Variants in GRM4 observed in about 807,000 individuals in gnomAD.
The protein encoded by GRM4 is glutamate metabotropic receptor 4, also known as metabotropic glutamate receptor 4.
A neutral mutation model predicts 81.7 loss-of-function variants in GRM4; 28 were observed. The ratio of observed to expected loss-of-function variants is 0.34; its 90% CI spans 0.25 to 0.47. The LOEUF is 0.47. GRM4 is among the 20% of genes least tolerant of loss of function. The probability of loss-of-function intolerance (pLI) is 1.00; values close to 1 mark genes in which losing one functional copy is unlikely to be tolerated. For synonymous variants in GRM4, 488 were observed against 528.8 expected (o/e 0.92, Z 1.06); for missense variants, 948 against 1,290.0 (o/e 0.73, Z 4.06).
chr6:34,121,819 C>A lies in GRM4; in HGVS notation c.519+11159G>T, dbSNP rs1276161046. On this transcript the variant is annotated intron_variant, in intron 2 of 10. Coordinates refer to ENST00000538487, the MANE Select transcript of GRM4 (RefSeq NM_000841.4). The surrounding 1 kb of genome is among the most constrained non-coding windows in gnomAD (Gnocchi z 4.6). ...TCACACATGGGCCCACTTTACAACA[C>A]CTCCTGTTTCCTGAGGGCCTGCGAT... Among the ~76,000 whole-genome samples, 1 of 152,152 alleles carries A rather than the reference C, an allele frequency of 6.6e-6. No individual in the cohort carries two copies. The highest frequency in any genetic ancestry group is 1.5e-5 in the Non-Finnish European group (1 of 68,030).
At chr6:34,131,461 C>A (rs548144830) in intron 2 of GRM4, among the ~76,000 whole-genome samples, 1 of 152,310 alleles carries the variant, frequency 6.6e-6, no homozygotes, top group South Asian at 2.1e-4. Flanking sequence ...ATTCGAGGCC[C>A]ACAGAGCATA....
In GRM4 at chr6:34,059,215, C is replaced by G. The variant is rs931472316; in HGVS notation, c.873-87G>C. 1 of 1,230,336 alleles carries G rather than the reference C, an allele frequency of 8.1e-7. No individual in the cohort carries two copies. The allele number at this position is 1,230,336 out of a possible 1,614,324, so 76.2% of individuals were successfully genotyped here. The stretch of plus-strand genomic sequence containing the variant: ...GGCCACACTTGCTTTGGGCCCACGT[C>G]CCTCACCCCCAGAAGCCCAGGGTCC... On this transcript the variant is annotated intron_variant, in intron 4 of 10. Coordinates refer to ENST00000538487, the MANE Select transcript of GRM4 (RefSeq NM_000841.4). The surrounding 1 kb of genome is among the most constrained non-coding windows in gnomAD (Gnocchi z 5.7).
In GRM4 at chr6:34,074,975, G is replaced by A. The variant is rs1022305850; in HGVS notation, c.737-12947C>T. Among the ~76,000 whole-genome samples, 8 of 151,796 alleles carry A rather than the reference G, an allele frequency of 5.3e-5. No individual in the cohort carries two copies. The highest frequency in any genetic ancestry group is 4.6e-4 in the Admixed American group (7 of 15,156). ...TGAGGGAATCCCACCCATTTCTTGG[G>A]TTCAGTTCATGAAGGGAAGGGAGTC... is the stretch of plus-strand genomic sequence containing the variant. On this transcript the variant is annotated intron_variant, in intron 3 of 10. Transcript: ENST00000538487. This position sits in a 1 kb window ranked among gnomAD's most constrained non-coding sequence, Gnocchi z 4.9.
chr6:34,024,551 A>G (rs1025399505), intron 10 of GRM4: 2 of 406,616 alleles, frequency 4.9e-6, no homozygotes, highest in Admixed American at 2.7e-5. Context: ...GTGTCCAACT[A>G]TCAGTCTATC....
chr6:34,154,590 T>TACACACACACACACACACACACAC (rs57603011), intron 1 of GRM4, among the ~76,000 whole-genome samples: 6 of 144,998 alleles, frequency 4.1e-5, no homozygotes, highest in African/African-American at 1.6e-4. Context: ...TGGTCCTGAC[T>TACACACACACACACACACACACAC]ACACACACAC....
intron 2 of GRM4, chr6:34,101,894 C>T: frequency 1.3e-6 from 1 of 760,300 alleles, no homozygotes; most frequent in Non-Finnish European, 2.1e-6. Flanking sequence ...CCACACGAGG[C>T]TGCCAGAGAG....
At chr6:34,031,115 C>T (rs1012858178) in intron 9 of GRM4, among the ~76,000 whole-genome samples, 2 of 152,202 alleles carry the variant, frequency 1.3e-5, no homozygotes, top group East Asian at 3.9e-4. Context: ...GTCCTCTAGA[C>T]CCCAGCAGGC....
chr6:34,146,592 G>A (rs955816609), upstream of GRM4, among the ~76,000 whole-genome samples: 1 of 152,214 alleles, frequency 6.6e-6, no homozygotes, highest in Non-Finnish European at 1.5e-5. Context: ...CTGCAGAAGC[G>A]GCTTCAATTA....
At chr6:34,126,563 G>C (rs929035383) in intron 2 of GRM4, among the ~76,000 whole-genome samples, 1 of 152,154 alleles carries the variant, frequency 6.6e-6, no homozygotes, top group Non-Finnish European at 1.5e-5. Context: ...GTGTTTTGAG[G>C]GGAAGAAACA....
At chr6:34,072,610 ACACACAC>A (rs1235005828) in intron 3 of GRM4, among the ~76,000 whole-genome samples, 55 of 147,744 alleles carry the variant, frequency 3.7e-4, no homozygotes, top group African/African-American at 1.2e-3. Context: ...ACACACACAC[ACACACAC>A]ATCACCGCAT....
intron 2 of GRM4, chr6:34,100,035 G>T: frequency 1.0e-6 from 1 of 982,904 alleles, no homozygotes; most frequent in Non-Finnish European, 1.2e-6. Flanking sequence ...CTATTCCTCT[G>T]CTCTGTGGAT....
chr6:34,098,926 C>T (rs1398088669), intron 2 of GRM4, among the ~76,000 whole-genome samples: 27 of 152,082 alleles, frequency 1.8e-4, no homozygotes, highest in Admixed American at 1.7e-3. Flanking sequence ...TGCCAGCTGC[C>T]CTTCCCTCCC....
At chr6:34,030,383 T>C (rs1764353253) in intron 9 of GRM4, among the ~76,000 whole-genome samples, 2 of 152,312 alleles carry the variant, frequency 1.3e-5, no homozygotes, top group South Asian at 4.1e-4. Flanking sequence ...CTGCTCCTTG[T>C]TGATGGGTGC....
chr6:34,044,671 G>GACAC (rs555808028), intron 6 of GRM4, among the ~76,000 whole-genome samples: 7 of 72,332 alleles, frequency 9.7e-5, no homozygotes, highest in Admixed American at 9.3e-4. Context: ...TATATACACA[G>GACAC]ACACACACAC....
At chr6:34,033,170 C>T (rs1431354559) in intron 9 of GRM4, among the ~76,000 whole-genome samples, 1 of 152,160 alleles carries the variant, frequency 6.6e-6, no homozygotes, top group South Asian at 2.1e-4. Context: ...CATGGCTGCA[C>T]CAGGGCTGCT....
At position 34,040,650 on chromosome 6, in the gene GRM4, T is replaced by C. The variant is rs1465905789; in HGVS notation, c.1267A>G (p.Met423Val). Residue 423 changes from methionine (M) to valine (V), a missense_variant, in exon 7 of 11, where the codon ATG (methionine) becomes GTG (valine). By Grantham distance (21) the Met-to-Val change is conservative. Coordinates refer to ENST00000538487, the MANE Select transcript of GRM4 (RefSeq NM_000841.4). ...VYAMGHALHA[M>V]HRDLCPGRVG... ...CGGCCGGGACACAGGTCACGGTGCATGGCGTGCAGCGCGTGGCCCATGGCG... is the reference window on the plus strand; with the variant it reads ...CGGCCGGGACACAGGTCACGGTGCACGGCGTGCAGCGCGTGGCCCATGGCG... The C allele has an allele frequency of 2.5e-6, 4 of 1,613,942 alleles. No individual in the cohort carries two copies. The highest frequency in any genetic ancestry group is 2.5e-6 in the Non-Finnish European group (3 of 1,179,926).
chr6:34,074,561 G>T lies in GRM4; in HGVS notation c.737-12533C>A, dbSNP rs1005111477. 7.2e-6 allele frequency among the ~76,000 whole-genome samples: 1 copy of T among 139,108 alleles called. No individual in the cohort carries two copies. Among genetic ancestry groups the T allele is most frequent in the Non-Finnish European group, 1.5e-5 (1 of 65,822 alleles). 91.3% of individuals were successfully genotyped at this position (139,108 alleles called of 152,430 possible). A position where few individuals can be genotyped will look rare whatever the true frequency, so the allele number is the denominator to read the frequency against. Reference sequence around the variant, plus strand: ...CCAGGAGAGGAGGCTGCTGGGCGGCGCAGGCAGTGTGGCTCAGAGCTGAGC... The same window carrying T: ...CCAGGAGAGGAGGCTGCTGGGCGGCTCAGGCAGTGTGGCTCAGAGCTGAGC... On this transcript the variant is annotated intron_variant, in intron 3 of 10. Transcript: ENST00000538487. This position sits in a 1 kb window ranked among gnomAD's most constrained non-coding sequence, Gnocchi z 4.9.
rs1181850167 is a variant in GRM4, at chr6:34,036,068, A to AAGATGCGGT, written c.2033_2041dup (p.Tyr678_Ile680dup). On this transcript the variant is annotated inframe_insertion, in exon 9 of 11. Coordinates refer to ENST00000538487, the MANE Select transcript of GRM4 (RefSeq NM_000841.4). The surrounding 1 kb of genome is among the most constrained non-coding windows in gnomAD (Gnocchi z 9.0). ...ACTGACCGAGCGCTTGCCCTGCTCG[A>AAGATGCGGT]AGATGCGGTAGATGCGGTTGGTCTT... 6.2e-7 allele frequency: 1 copy of AAGATGCGGT among 1,614,176 alleles called. No homozygotes were observed. Among genetic ancestry groups the AAGATGCGGT allele is most frequent in the Non-Finnish European group, 8.5e-7 (1 of 1,180,032 alleles).
intron 2 of GRM4, among the ~76,000 whole-genome samples, chr6:34,101,698 C>A (rs562101354): frequency 6.6e-6 from 1 of 152,228 alleles, no homozygotes; most frequent in African/African-American, 2.4e-5. Context: ...CACAAAAGAT[C>A]GGGCAGGAGC....
Sources: gnomAD v4.1 joint callset for allele counts (sites outside exome capture counted in the v4.1 genomes callset) on GRCh38, gnomAD v4.1.1 for gene constraint, Gnocchi (gnomAD v3.1) non-coding constraint, MANE v1.5 for transcripts, NCBI Gene and HGNC (gene_info 2026-07-23, HGNC 2026-07-21) for gene names.